Variants in ANKRD30BL observed in about 807,000 individuals in gnomAD.
The protein encoded by ANKRD30BL is putative ankyrin repeat domain-containing protein 30B-like.
Under a neutral mutation model 18.4 loss-of-function variants are expected in ANKRD30BL, and 20 were observed. That is an observed-to-expected ratio of 1.09 (90% CI 0.77 to 1.58). ANKRD30BL has a LOEUF of 1.58. Ranked by LOEUF, ANKRD30BL falls within the 40% of genes most tolerant of loss-of-function variation. The pLI is 0.00. For synonymous variants in ANKRD30BL, 72 were observed against 100.9 expected, an observed-to-expected ratio of 0.71 and a Z score of 1.72; for missense variants, 224 against 268.6, an observed-to-expected ratio of 0.83 and a Z score of 1.16.
intron 1 of ANKRD30BL, among the ~76,000 whole-genome samples, chr2:132,208,538 T>C (rs898416494): frequency 2.6e-5 from 4 of 152,098 alleles, no homozygotes; most frequent in African/African-American, 9.7e-5. Flanking sequence ...GAGTACAAAA[T>C]TATGACACAG....
intron 1 of ANKRD30BL, among the ~76,000 whole-genome samples, chr2:132,206,368 T>C (rs1036199184): frequency 3.3e-5 from 5 of 152,092 alleles, no homozygotes; most frequent in Non-Finnish European, 7.4e-5. Flanking sequence ...ATAATAATGC[T>C]AAGTGTGTAA....
At chr2:132,222,396 C>T (rs571943346) in intron 1 of ANKRD30BL, among the ~76,000 whole-genome samples, 24 of 151,960 alleles carry the variant, frequency 1.6e-4, no homozygotes, top group Non-Finnish European at 2.6e-4. Flanking sequence ...AATAGAAAGG[C>T]GGGAAGGTTG....
chr2:132,249,807 G>T (rs572103195), intron 1 of ANKRD30BL, among the ~76,000 whole-genome samples: 159 of 152,178 alleles, frequency 1.0e-3, no homozygotes, highest in Non-Finnish European at 1.9e-3. Context: ...AAGTTTTTAT[G>T]TGATGATATT....
chr2:132,228,299 T>G (rs898931799), intron 1 of ANKRD30BL, among the ~76,000 whole-genome samples: 12 of 152,102 alleles, frequency 7.9e-5, no homozygotes, highest in South Asian at 6.2e-4. Flanking sequence ...AGAAGCTTCT[T>G]TGGATGCATG....
chr2:132,249,195 GT>G (rs1680584841), intron 1 of ANKRD30BL, among the ~76,000 whole-genome samples: 1 of 151,848 alleles, frequency 6.6e-6, no homozygotes, highest in African/African-American at 2.4e-5. Context: ...CAAAAAGACT[GT>G]TTCCAAATTG....
At chr2:132,187,481 A>AT (rs879855965) in intron 1 of ANKRD30BL, among the ~76,000 whole-genome samples, 109 of 151,736 alleles carry the variant, frequency 7.2e-4, no homozygotes, top group Middle Eastern at 6.9e-3. Context: ...CGCCCGGCTA[A>AT]TTTTTTGTAT....
chr2:132,223,603 C>T (rs112075887), intron 1 of ANKRD30BL, among the ~76,000 whole-genome samples: 7 of 152,016 alleles, frequency 4.6e-5, no homozygotes, highest in Middle Eastern at 3.4e-3. Flanking sequence ...TTGAGGCCTT[C>T]GTTGGAATCG....
chr2:132,164,845 G>A (rs1688156941), upstream of ANKRD30BL, among the ~76,000 whole-genome samples: 1 of 151,950 alleles, frequency 6.6e-6, no homozygotes, highest in African/African-American at 2.4e-5. Flanking sequence ...GCCAAGGCGG[G>A]CAGATCACGA....
intron 1 of ANKRD30BL, among the ~76,000 whole-genome samples, chr2:132,197,610 T>A (rs1018013946): frequency 6.6e-6 from 1 of 151,834 alleles, no homozygotes; most frequent in African/African-American, 2.4e-5. Context: ...ATATGTTTCT[T>A]ATTATCTTTC....
chr2:132,217,899 T>C (rs1165394042), intron 1 of ANKRD30BL, among the ~76,000 whole-genome samples: 1 of 151,794 alleles, frequency 6.6e-6, no homozygotes, highest in Admixed American at 6.6e-5. Context: ...AGAATCTGCA[T>C]GTGGATATTT....
chr2:132,234,653 G>T (rs201135786), intron 1 of ANKRD30BL, among the ~76,000 whole-genome samples: 2 of 151,956 alleles, frequency 1.3e-5, no homozygotes, highest in South Asian at 2.1e-4. Context: ...GTTGAATCTC[G>T]GAATAGACCA....
intron 1 of ANKRD30BL, among the ~76,000 whole-genome samples, chr2:132,252,202 A>G (rs1481606348): frequency 6.6e-6 from 1 of 152,264 alleles, no homozygotes; most frequent in Admixed American, 6.5e-5. Flanking sequence ...ATTGATGTTA[A>G]CGATGCTACT....
intron 1 of ANKRD30BL, among the ~76,000 whole-genome samples, chr2:132,219,125 G>A (rs531176350): frequency 1.3e-5 from 2 of 151,896 alleles, no homozygotes; most frequent in African/African-American, 2.4e-5. Flanking sequence ...TGAGGCCTAT[G>A]GTGGAAAGGG....
intron 1 of ANKRD30BL, among the ~76,000 whole-genome samples, chr2:132,252,820 T>A (rs1680693984): frequency 6.6e-6 from 1 of 152,028 alleles, no homozygotes; most frequent in African/African-American, 2.4e-5. Context: ...ATGAGCTGCA[T>A]GAGGCATGAG....
At chr2:132,204,139 A>G (rs1464613514) in intron 1 of ANKRD30BL, among the ~76,000 whole-genome samples, 1 of 152,226 alleles carries the variant, frequency 6.6e-6, no homozygotes, top group Non-Finnish European at 1.5e-5. Context: ...AAATGAATGA[A>G]GATAGACAGA....
At chr2:132,167,416 T>C (rs1573811805) in intron 1 of ANKRD30BL, among the ~76,000 whole-genome samples, 2 of 151,964 alleles carry the variant, frequency 1.3e-5, no homozygotes, top group South Asian at 4.2e-4. Context: ...CCTCCACATC[T>C]CAGGTTAAAG....
intron 1 of ANKRD30BL, among the ~76,000 whole-genome samples, chr2:132,246,928 C>A (rs1173511459): frequency 6.6e-6 from 1 of 151,864 alleles, no homozygotes; most frequent in Non-Finnish European, 1.5e-5. Flanking sequence ...GTAGTATCTG[C>A]AAGTGGATAT....
At chr2:132,209,873 C>A (rs995401368) in intron 1 of ANKRD30BL, among the ~76,000 whole-genome samples, 1 of 151,884 alleles carries the variant, frequency 6.6e-6, no homozygotes, top group African/African-American at 2.4e-5. Flanking sequence ...AAATACTAGA[C>A]AGAAGCATTC....
intron 1 of ANKRD30BL, chr2:132,257,069 G>A: frequency 2.0e-6 from 1 of 499,132 alleles, no homozygotes; most frequent in Admixed American, 2.0e-5. Context: ...ATGCCGGACG[G>A]CCCTCGGCAC....
Sources: allele counts gnomAD v4.1 joint callset (sites outside exome capture counted in the v4.1 genomes callset), GRCh38; gene constraint gnomAD v4.1.1; transcripts MANE v1.5; gene names NCBI Gene and HGNC (gene_info 2026-07-23, HGNC 2026-07-21).